The following SLC12A9 variants were observed in gnomAD, a reference collection of about 807,000 sequenced individuals.
SLC12A9 encodes the protein solute carrier family 12 member 9, also known as CCC-interacting protein 1.
In SLC12A9, 55 loss-of-function variants were observed where a neutral mutation model predicts 66.0. The ratio of observed to expected loss-of-function variants is 0.83; its 90% confidence interval spans 0.67 to 1.04. The LOEUF is 1.04. Among genes scored for constraint, SLC12A9 ranks in the 50% least tolerant of loss-of-function variants. SLC12A9 has a pLI of 0.00. For synonymous variants in SLC12A9, 577 were observed against 569.0 expected (o/e 1.01, Z -0.20); for missense variants, 1,061 against 1,241.9 (o/e 0.85, Z 2.19).
chr7:100,848,999 T>C (rs1250120614), upstream of SLC12A9, among the ~76,000 whole-genome samples: 3 of 151,832 alleles, frequency 2.0e-5, no homozygotes, highest in East Asian at 5.8e-4. Context: ...TGTTTTTTTT[T>C]TTTTGAGATG....
In SLC12A9 at chr7:100,829,429, C is replaced by G. The variant is rs765872475; in HGVS notation, n.228+2382C>G. Among the ~76,000 whole-genome samples the G allele has an allele frequency of 9.2e-5, 14 of 152,194 alleles. No homozygotes were observed. In the East Asian group the frequency reaches 2.5e-3, roughly 27 times the overall value. Reference sequence around the variant, plus strand: ...CCGGGCCTGTGATAACCTCTTGTCCCGGCTTACTTATCTTCCTGCTGCAAG... The same window carrying G: ...CCGGGCCTGTGATAACCTCTTGTCCGGGCTTACTTATCTTCCTGCTGCAAG... On this transcript the variant is annotated intron_variant and non_coding_transcript_variant, in intron 1 of 1. Transcript: ENST00000461016.
chr7:100,850,185 CT>C (rs1242128380), upstream of SLC12A9, among the ~76,000 whole-genome samples: 9 of 150,020 alleles, frequency 6.0e-5, no homozygotes, highest in Non-Finnish European at 1.3e-4. Flanking sequence ...CTTCTTTTCC[CT>C]CCCTCCCTTC....
At chr7:100,857,344 G>T in intron 5 of SLC12A9, 168 bp downstream of exon 5, 1 of 773,738 alleles carries the variant, frequency 1.3e-6, no homozygotes, top group Non-Finnish European at 2.0e-6. Context: ...CGTGTGCTTG[G>T]CCGGCAGGGC....
chr7:100,863,952 CATT>C (rs1463759854), intron 13 of SLC12A9, among the ~76,000 whole-genome samples: 2 of 152,204 alleles, frequency 1.3e-5, no homozygotes, highest in African/African-American at 4.8e-5. Flanking sequence ...CGTCAAGCAT[CATT>C]GACCCACAGA....
chr7:100,826,957 C>G (rs1333455758), exon 1 of SLC12A9: 2 of 1,538,576 alleles, frequency 1.3e-6, no homozygotes, highest in African/African-American at 1.4e-5. Context: ...CGGGGTGCGC[C>G]CCCCCCCGCA....
intron 1 of SLC12A9, among the ~76,000 whole-genome samples, chr7:100,833,780 A>C (rs1435839423): frequency 3.3e-5 from 5 of 151,868 alleles, no homozygotes; most frequent in African/African-American, 1.2e-4. Context: ...TAAAAATACA[A>C]AAATTAGCCG....
chr7:100,851,747 C>T (rs568223745), upstream of SLC12A9, among the ~76,000 whole-genome samples: 1 of 140,784 alleles, frequency 7.1e-6, no homozygotes, highest in East Asian at 2.1e-4. Flanking sequence ...CACGAGATCG[C>T]GCCACTGCAC....
intron 13 of SLC12A9, 183 bp from the exon 14 acceptor site, chr7:100,865,536 G>C: frequency 6.4e-7 from 1 of 1,565,332 alleles, no homozygotes; most frequent in African/African-American, 1.4e-5. Flanking sequence ...GCATGTGAAA[G>C]TGTTTAGGAA....
intron 4 of SLC12A9, chr7:100,856,241 T>G (rs1157960736): frequency 5.9e-6 from 1 of 169,562 alleles, no homozygotes; most frequent in East Asian, 1.8e-4. Context: ...GGAGTCTTGC[T>G]TTGTTGCCCA....
chr7:100,865,989 G>A lies in SLC12A9; in HGVS notation c.2129G>A (p.Arg710Gln), dbSNP rs375468688. ...ARASGALPPE[R>Q]LSRGSGGTSQ... is the part of the protein sequence containing the mutation. ...GCCAGCGGGGCCTTGCCCCCTGAGC[G>A]GCTGAGCCGGGGGTCTGGGGGCACC... The change falls in exon 14 of 14, where the codon CGG (arginine) becomes CAG (glutamine). Residue 710 changes from arginine (R) to glutamine (Q), a missense_variant. Transcript: ENST00000354161. The A allele has an allele frequency of 6.2e-6, 10 of 1,612,722 alleles. No individual in the cohort carries two copies. The highest frequency in any genetic ancestry group is 1.7e-5 in the Admixed American group (1 of 59,998).
intron 1 of SLC12A9, among the ~76,000 whole-genome samples, chr7:100,834,536 AGTGT>A (rs1813607080): frequency 6.6e-6 from 1 of 151,738 alleles, no homozygotes; most frequent in Admixed American, 6.6e-5. Flanking sequence ...TGTATGTGTG[AGTGT>A]GTGTGTGTTG....
chr7:100,827,088 G>C, intron 1 of SLC12A9: 1 of 1,529,894 alleles, frequency 6.5e-7, no homozygotes, highest in Non-Finnish European at 8.8e-7. Context: ...CGCCCCCCCA[G>C]GTCTGACTCT....
chr7:100,836,044 T>C (rs1229976915), intron 1 of SLC12A9, among the ~76,000 whole-genome samples: 2 of 152,112 alleles, frequency 1.3e-5, no homozygotes, highest in Non-Finnish European at 2.9e-5. Context: ...AAGTCTTTTG[T>C]TTCCTCTCTT....
At chr7:100,833,209 C>T (rs1006783065) in intron 1 of SLC12A9, among the ~76,000 whole-genome samples, 15 of 152,040 alleles carry the variant, frequency 9.9e-5, no homozygotes, top group Non-Finnish European at 2.1e-4. Context: ...AAAGGCTGGG[C>T]GCAGTGGCTC....
chr7:100,860,975 T>C (rs1480620224), intron 9 of SLC12A9, 163 bp from the exon 10 acceptor site: 3 of 1,257,062 alleles, frequency 2.4e-6, no homozygotes. Context: ...ATTTTGGGGG[T>C]TCATTGACAC....
chr7:100,828,157 G>A (rs1310512219), intron 1 of SLC12A9, among the ~76,000 whole-genome samples: 2 of 152,164 alleles, frequency 1.3e-5, no homozygotes, highest in Non-Finnish European at 2.9e-5. Flanking sequence ...CCTACTGTGC[G>A]CGCAACCAAG....
chr7:100,863,594 G>C (rs1242159164), intron 13 of SLC12A9, among the ~76,000 whole-genome samples: 1 of 152,184 alleles, frequency 6.6e-6, no homozygotes, highest in African/African-American at 2.4e-5. Context: ...TTGGGATGTA[G>C]GAGATGTAAC....
intron 1 of SLC12A9, among the ~76,000 whole-genome samples, chr7:100,840,159 G>A (rs1490969550): frequency 6.6e-6 from 1 of 152,154 alleles, no homozygotes; most frequent in Non-Finnish European, 1.5e-5. Context: ...GAAAGTGTGT[G>A]TGTGCCCTTT....
Position 100,852,850 on chromosome 7 carries a change from G to T in SLC12A9, c.-43+15G>T, listed in dbSNP as rs1175708006. 6.6e-6 allele frequency: 1 copy of T among 152,282 alleles called. No individual in the cohort carries two copies. Among genetic ancestry groups the T allele is most frequent in the Non-Finnish European group, 1.5e-5 (1 of 68,104 alleles). 9.4% of individuals were successfully genotyped at this position (152,282 alleles called of 1,614,324 possible). A position where few individuals can be genotyped will look rare whatever the true frequency, so the allele number is the denominator to read the frequency against. On this transcript the variant is annotated intron_variant, in intron 1 of 13. Transcript: ENST00000354161. ...GCGTCCTGCGGGTGGGTGAGTGAGC[G>T]CCTCGCGGCCCCCGAGCTGTGGGGT...
Sources: gnomAD v4.1 joint callset for allele counts (sites outside exome capture counted in the v4.1 genomes callset) on GRCh38, gnomAD v4.1.1 for gene constraint, MANE v1.5 for transcripts, NCBI Gene and HGNC (gene_info 2026-07-23, HGNC 2026-07-21) for gene names.